The following CORO2B variants were observed in gnomAD, a reference collection of about 807,000 sequenced individuals.
CORO2B encodes the protein coronin 2B, also known as coronin-2B.
A neutral mutation model predicts 58.8 loss-of-function variants in CORO2B; 26 were observed. The ratio of observed to expected loss-of-function variants is 0.44; its 90% CI spans 0.32 to 0.61. The LOEUF is 0.61. Ranked by LOEUF, CORO2B falls within the 20% of genes least tolerant of loss-of-function variation. The pLI is 0.04. For synonymous variants in CORO2B, 242 were observed against 253.8 expected (o/e 0.95, Z 0.44); for missense variants, 460 against 645.1 (o/e 0.71, Z 3.11).
chr15:68,538,470 TG>T, the CORO2B span, among the ~76,000 whole-genome samples: 1 of 152,312 alleles, frequency 6.6e-6, no homozygotes, highest in East Asian at 1.9e-4. Context: ...GGGTGTACCC[TG>T]GGCTGGTGAC....
At chr15:68,529,492 A>C in the CORO2B span, among the ~76,000 whole-genome samples, 2 of 152,090 alleles carry the variant, frequency 1.3e-5, no homozygotes, top group African/African-American at 4.8e-5. Flanking sequence ...ATTTCATCTA[A>C]GTTGTTGATT....
chr15:68,640,603 T>A (rs8024951), intron 1 of CORO2B, among the ~76,000 whole-genome samples: 1 of 151,830 alleles, frequency 6.6e-6, no homozygotes, highest in Admixed American at 6.6e-5. Flanking sequence ...TAGGTTTCAC[T>A]GAATCCTAGG....
chr15:68,595,966 G>A (rs1416528780), intron 1 of CORO2B, among the ~76,000 whole-genome samples: 2 of 151,970 alleles, frequency 1.3e-5, no homozygotes, highest in Non-Finnish European at 2.9e-5. Context: ...GGGCAGCGAC[G>A]CCGTGGGGTG....
chr15:68,574,793 T>C (rs544098562), upstream of CORO2B, among the ~76,000 whole-genome samples: 3 of 152,282 alleles, frequency 2.0e-5, no homozygotes, highest in Admixed American at 2.0e-4. Context: ...CGACCATGGA[T>C]ACAGCGCCAG....
Position 68,711,645 on chromosome 15 carries a change from C to G in CORO2B, c.587C>G (p.Thr196Ser), listed in dbSNP as rs761068115. Reference sequence around the variant, plus strand: ...TTCAACACGGACGGCAGCCTGCTCACCACCACGTGCAAGGACAAGAAGCTG... The same window carrying G: ...TTCAACACGGACGGCAGCCTGCTCAGCACCACGTGCAAGGACAAGAAGCTG... The part of the protein sequence containing the change: ...MSFNTDGSLL[T>S]TTCKDKKLRV... Residue 196 changes from threonine to serine, a missense_variant, in exon 5 of 12, where the codon ACC becomes AGC. This residue lies in a region of CORO2B where 352 missense variants were observed against 543.0 expected (regional missense o/e 0.65). Transcript: ENST00000261861. The G allele has an allele frequency of 5.0e-6, 8 of 1,614,136 alleles. No homozygotes were observed. Among genetic ancestry groups the G allele is most frequent in the Non-Finnish European group, 6.8e-6 (8 of 1,179,990 alleles).
chr15:68,620,220 G>A (rs955605796), intron 1 of CORO2B, among the ~76,000 whole-genome samples: 9 of 152,086 alleles, frequency 5.9e-5, no homozygotes, highest in South Asian at 2.1e-4. Context: ...CCTAATTGTC[G>A]TATATTTATT....
At chr15:68,664,581 A>T (rs1317220863) in intron 2 of CORO2B, among the ~76,000 whole-genome samples, 1 of 152,108 alleles carries the variant, frequency 6.6e-6, no homozygotes, top group African/African-American at 2.4e-5. Context: ...CGGGAGGCAG[A>T]TCTTGCAGTG....
Position 68,616,590 on chromosome 15 carries a change from C to A in CORO2B, c.16-28570C>A, listed in dbSNP as rs564319953. ...GGGCCATTGTGCAAGTCTTCCAGGCCGCGGTCGAATGATTCTGACAAGCGG... is the reference window on the plus strand; with the variant it reads ...GGGCCATTGTGCAAGTCTTCCAGGCAGCGGTCGAATGATTCTGACAAGCGG... On this transcript the variant is annotated intron_variant, in intron 1 of 11. Coordinates refer to ENST00000261861, the MANE Select transcript of CORO2B (RefSeq NM_006091.5). The A allele has an allele frequency of 6.8e-5, 67 of 985,428 alleles. No homozygotes were observed. In the East Asian group the frequency reaches 6.8e-3, roughly 100 times the overall value. The allele number at this position is 985,428 out of a possible 1,614,324, so 61.0% of individuals were successfully genotyped here. A position where few individuals can be genotyped will look rare whatever the true frequency, so the allele number is the denominator to read the frequency against.
intron 1 of CORO2B, among the ~76,000 whole-genome samples, chr15:68,597,953 T>G (rs1398633028): frequency 2.6e-5 from 4 of 152,182 alleles, no homozygotes; most frequent in Non-Finnish European, 4.4e-5. Context: ...TGGAAGTTGA[T>G]GAGTCTGTGG....
chr15:68,581,691 G>C (rs1899429664), intron 1 of CORO2B, among the ~76,000 whole-genome samples: 1 of 152,006 alleles, frequency 6.6e-6, no homozygotes, highest in Non-Finnish European at 1.5e-5. Flanking sequence ...GAGACTCTTT[G>C]TTCTCTGAGG....
At chr15:68,573,779 A>G in the CORO2B span, among the ~76,000 whole-genome samples, 2 of 152,246 alleles carry the variant, frequency 1.3e-5, no homozygotes, top group African/African-American at 4.8e-5. Flanking sequence ...TTCATTCTCC[A>G]GGAGCTTGTC....
chr15:68,719,622 T>C, intron 11 of CORO2B, 70 bp downstream of exon 11: 1 of 1,522,410 alleles, frequency 6.6e-7, no homozygotes, highest in Admixed American at 2.1e-5. Flanking sequence ...ATTATGGGCT[T>C]CAGGCCTTTA....
At chr15:68,525,925 C>A in the CORO2B span, among the ~76,000 whole-genome samples, 6 of 152,214 alleles carry the variant, frequency 3.9e-5, no homozygotes, top group African/African-American at 1.4e-4. Flanking sequence ...ATCACTCTTA[C>A]AACCAGCTTA....
chr15:68,537,137 G>A, the CORO2B span, among the ~76,000 whole-genome samples: 144,040 of 152,092 alleles, frequency 0.95, 68,306 homozygotes, highest in East Asian at 1. Context: ...GTTGGTTTCT[G>A]TCATCCTGGC....
Position 68,685,434 on chromosome 15 carries a change from A to ACT in CORO2B, c.217-9704_217-9703dup, listed in dbSNP as rs528158838. On this transcript the variant is annotated intron_variant, in intron 2 of 11. Transcript: ENST00000261861. ...GCCATGTTGCCCAGGCTGGTCTCACACTCCTGAGGTCAGGTGATCTGCCCA... is the reference window on the plus strand; with the variant it reads ...GCCATGTTGCCCAGGCTGGTCTCACACTCTCCTGAGGTCAGGTGATCTGCCCA... Among the ~76,000 whole-genome samples the ACT allele has an allele frequency of 3.6e-3, 548 of 152,186 alleles. 5 individuals carry two copies. The highest frequency in any genetic ancestry group is 0.013 in the African/African-American group (532 of 41,534).
chr15:68,536,751 G>A, the CORO2B span, among the ~76,000 whole-genome samples: 1 of 152,222 alleles, frequency 6.6e-6, no homozygotes, highest in East Asian at 1.9e-4. Context: ...ATTCTGTCTT[G>A]CAGCTAAGTT....
At chr15:68,724,063 G>A (rs950598687) in intron 11 of CORO2B, among the ~76,000 whole-genome samples, 11 of 152,018 alleles carry the variant, frequency 7.2e-5, no homozygotes, top group African/African-American at 1.4e-4. Context: ...TTAGCCGGGC[G>A]TGATGGCACA....
chr15:68,700,413 G>A (rs770724860), intron 3 of CORO2B, among the ~76,000 whole-genome samples: 10 of 145,038 alleles, frequency 6.9e-5, no homozygotes, highest in Non-Finnish European at 1.2e-4. Context: ...GGGATTTCAC[G>A]AGCCCTGATT....
At chr15:68,568,929 G>T in the CORO2B span, among the ~76,000 whole-genome samples, 1 of 151,970 alleles carries the variant, frequency 6.6e-6, no homozygotes, top group African/African-American at 2.4e-5. Context: ...CATGGTACAC[G>T]TTTACCTATG....
Sources: allele counts gnomAD v4.1 joint callset (sites outside exome capture counted in the v4.1 genomes callset), GRCh38; gene constraint gnomAD v4.1.1; regional missense constraint gnomAD v4.1.1; transcripts MANE v1.5; gene names NCBI Gene and HGNC (gene_info 2026-07-23, HGNC 2026-07-21).